SMURF2: variants seen among roughly 807,000 people sequenced by gnomAD.
SMURF2 encodes E3 ubiquitin-protein ligase SMURF2.
A neutral mutation model predicts 109.6 loss-of-function variants in SMURF2; 48 were observed. The observed-to-expected ratio is 0.44, with a 90% CI of 0.35 to 0.56. The LOEUF (loss-of-function observed/expected upper bound fraction) is 0.56. Ranked by LOEUF, SMURF2 falls within the 20% of genes least tolerant of loss-of-function variation. SMURF2 has a pLI of 0.01. For synonymous variants in SMURF2, 288 were observed against 317.1 expected (o/e 0.91, Z 0.97); for missense variants, 575 against 909.0 (o/e 0.63, Z 4.72).
intron 13 of SMURF2, 102 bp from the exon 14 acceptor site, chr17:64,556,100 A>C (rs1555684018): frequency 8.0e-6 from 7 of 878,826 alleles, no homozygotes. Context: ...GAATAAGCAT[A>C]AAATTTTTAC....
chr17:64,656,799 C>T (rs1326556237), intron 1 of SMURF2, among the ~76,000 whole-genome samples: 2 of 152,196 alleles, frequency 1.3e-5, no homozygotes, highest in African/African-American at 4.8e-5. Context: ...AACCAGTTAT[C>T]CTAAAACCAG....
chr17:64,564,610 A>G (rs1453869750), intron 10 of SMURF2, among the ~76,000 whole-genome samples: 1 of 152,202 alleles, frequency 6.6e-6, no homozygotes, highest in African/African-American at 2.4e-5. Flanking sequence ...GGAAATTAGG[A>G]TACATACATA....
chr17:64,598,378 C>A lies in SMURF2; in HGVS notation c.200+4G>T. On this transcript the variant is annotated splice_donor_region_variant and intron_variant, in intron 3 of 18. Coordinates refer to ENST00000262435, the MANE Select transcript of SMURF2 (RefSeq NM_022739.4). The stretch of plus-strand genomic sequence containing the variant: ...TCCATTTCAAACTAATTGTTGAAAC[C>A]TACAGGTCATAATGCTGATTCCACT... 1 of 1,578,910 alleles carries A rather than the reference C, an allele frequency of 6.3e-7. No individual in the cohort carries two copies. The highest frequency in any genetic ancestry group is 1.8e-5 in the Admixed American group (1 of 55,754).
rs1555688274 is a variant in SMURF2, at chr17:64,598,493, G to A, written c.92-3C>T. On this transcript the variant is annotated splice_polypyrimidine_tract_variant and splice_region_variant and intron_variant, in intron 2 of 18. Transcript: ENST00000262435. ...CTTAGCAAATGGATCAGGAAGTCCT[G>A]TGAAAAAAGATTTTCTAAAATTAAT... 4.4e-6 allele frequency: 7 copies of A among 1,588,638 alleles called. No individual in the cohort carries two copies. Among genetic ancestry groups the A allele is most frequent in the Non-Finnish European group, 5.1e-6 (6 of 1,170,604 alleles).
At chr17:64,597,192 C>T (rs1231950402) in intron 3 of SMURF2, among the ~76,000 whole-genome samples, 6 of 151,890 alleles carry the variant, frequency 4.0e-5, no homozygotes, top group African/African-American at 1.5e-4. Context: ...AATCTTGAGC[C>T]CAGGAATTCA....
intron 1 of SMURF2, among the ~76,000 whole-genome samples, chr17:64,622,018 C>T (rs987192626): frequency 1.4e-5 from 2 of 147,278 alleles, no homozygotes; most frequent in African/African-American, 2.5e-5. Flanking sequence ...CATCATCGCA[C>T]CACTGCACTC....
At chr17:64,563,634 T>A (rs950801300) in intron 10 of SMURF2, among the ~76,000 whole-genome samples, 1 of 152,086 alleles carries the variant, frequency 6.6e-6, no homozygotes. Context: ...ACTGCAAACA[T>A]CAATGTAAAA....
At chr17:64,656,745 T>C (rs1316928935) in intron 1 of SMURF2, among the ~76,000 whole-genome samples, 1 of 152,196 alleles carries the variant, frequency 6.6e-6, no homozygotes, top group African/African-American at 2.4e-5. Context: ...GAAATAAACA[T>C]TCAAACAAAA....
intron 1 of SMURF2, among the ~76,000 whole-genome samples, chr17:64,630,439 C>G (rs557418305): frequency 6.6e-6 from 1 of 152,086 alleles, no homozygotes; most frequent in South Asian, 2.1e-4. Context: ...AGAAAAAGAA[C>G]CTGTTACTCT....
chr17:64,553,567 ATTC>A (rs1337002473), intron 15 of SMURF2, among the ~76,000 whole-genome samples: 1 of 152,158 alleles, frequency 6.6e-6, no homozygotes, highest in Non-Finnish European at 1.5e-5. Context: ...TTCCTACATA[ATTC>A]TTCTAAGACT....
chr17:64,625,930 G>A (rs2144701404), intron 1 of SMURF2, among the ~76,000 whole-genome samples: 1 of 152,220 alleles, frequency 6.6e-6, no homozygotes, highest in South Asian at 2.1e-4. Context: ...AAACTCAAAA[G>A]CTCATCCACA....
chr17:64,578,566 T>G lies in SMURF2; in HGVS notation c.783A>C (p.Thr261=). The change falls in exon 9 of 19, where the codon ACA becomes ACC. Residue 261 remains threonine (T), a synonymous_variant. Coordinates refer to ENST00000262435, the MANE Select transcript of SMURF2 (RefSeq NM_022739.4). Reference sequence around the variant, plus strand: ...AGAAATACACCTGGCCTTGTTGCGTTGTCCTCTGTTCTGTAAAATTAATAA... The same window carrying G: ...AGAAATACACCTGGCCTTGTTGCGTGGTCCTCTGTTCTGTAAAATTAATAA... ...PDLPEGYEQR[T]TQQGQVYFLH... The G allele has an allele frequency of 1.2e-6, 2 of 1,612,076 alleles. No individual in the cohort carries two copies. Among genetic ancestry groups the G allele is most frequent in the Non-Finnish European group, 1.7e-6 (2 of 1,178,118 alleles).
In SMURF2 at chr17:64,616,609, C is replaced by T. The variant is rs142677538; in HGVS notation, c.53-9969G>A. On this transcript the variant is annotated intron_variant, in intron 1 of 18. Transcript: ENST00000262435. ...GGCGGAGGTTACAGTGAGCTGAGATCGCGCCACTGTACTCCAGCCCAGACG... is the reference window on the plus strand; with the variant it reads ...GGCGGAGGTTACAGTGAGCTGAGATTGCGCCACTGTACTCCAGCCCAGACG... 6.9e-3 allele frequency among the ~76,000 whole-genome samples: 1,029 copies of T among 149,828 alleles called. 9 individuals carry two copies. Among genetic ancestry groups the T allele is most frequent in the African/African-American group, 0.024 (977 of 40,664 alleles).
intron 1 of SMURF2, among the ~76,000 whole-genome samples, chr17:64,639,727 A>C (rs1372516151): frequency 3.3e-5 from 5 of 152,194 alleles, no homozygotes; most frequent in Non-Finnish European, 7.3e-5. Context: ...TTCTCACCTA[A>C]AATGGGGAAG....
At chr17:64,588,784 C>T (rs1274091398) in intron 5 of SMURF2, among the ~76,000 whole-genome samples, 7 of 151,832 alleles carry the variant, frequency 4.6e-5, no homozygotes, top group African/African-American at 1.7e-4. Flanking sequence ...CATGCCACAC[C>T]AGCTAATTTT....
chr17:64,641,570 CTT>C (rs1426428771), intron 1 of SMURF2, among the ~76,000 whole-genome samples: 3 of 152,170 alleles, frequency 2.0e-5, no homozygotes, highest in African/African-American at 7.2e-5. Flanking sequence ...GTAACTTTCA[CTT>C]TGTTCCTTGG....
chr17:64,546,315 T>C lies in SMURF2; in HGVS notation c.2095A>G (p.Thr699Ala). ...LQGAAGPRLFTIHQIDACTNN... is the reference protein window; with the variant it reads ...LQGAAGPRLFAIHQIDACTNN... ...GTGCAGGCATCAATCTGGTGTATGG[T>C]AAAGAGTCTCGGGCCTGCAGCACCT... is the stretch of plus-strand genomic sequence containing the variant. Residue 699 changes from threonine (T) to alanine (A), a missense_variant, in exon 18 of 19, where the codon ACC (threonine) becomes GCC (alanine). Transcript: ENST00000262435. The C allele has an allele frequency of 6.2e-7, 1 of 1,613,972 alleles. No individual in the cohort carries two copies. The highest frequency in any genetic ancestry group is 8.5e-7 in the Non-Finnish European group (1 of 1,179,900).
At chr17:64,573,718 C>T (rs969475125) in intron 9 of SMURF2, among the ~76,000 whole-genome samples, 4 of 152,128 alleles carry the variant, frequency 2.6e-5, no homozygotes, top group Admixed American at 1.3e-4. Context: ...GCTTCCTCCC[C>T]AAGCTGAGAA....
Position 64,562,823 on chromosome 17 carries a change from T to G in SMURF2, c.1160A>C (p.Gln387Pro). 6.2e-7 allele frequency: 1 copy of G among 1,614,162 alleles called. No homozygotes were observed. The highest frequency in any genetic ancestry group is 8.5e-7 in the Non-Finnish European group (1 of 1,180,014). ...AATGCGGCAATGACCTGCCTGAGGC[T>G]GTTGTTGGGAAAGTTCTTGCCGCAA... is the stretch of plus-strand genomic sequence containing the variant. ...KILRQELSQQ[Q>P]PQAGHCRIEV... Residue 387 changes from glutamine to proline, a missense_variant, in exon 11 of 19, where the codon CAG becomes CCG. Coordinates refer to ENST00000262435, the MANE Select transcript of SMURF2 (RefSeq NM_022739.4).
Sources: allele counts gnomAD v4.1 joint callset (sites outside exome capture counted in the v4.1 genomes callset), GRCh38; gene constraint gnomAD v4.1.1; transcripts MANE v1.5; gene names NCBI Gene and HGNC (gene_info 2026-07-23, HGNC 2026-07-21).